The following PPFIBP2 variants were observed in gnomAD, a reference collection of about 807,000 sequenced individuals.
PPFIBP2 encodes PPFIB scaffold protein 2.
Under a neutral mutation model 118.3 loss-of-function variants are expected in PPFIBP2, and 118 were observed. The observed-to-expected ratio is 1.00, with a 90% CI of 0.86 to 1.16. The LOEUF (loss-of-function observed/expected upper bound fraction) is 1.16, where lower values mean the gene tolerates loss of function less well. Ranked by LOEUF, PPFIBP2 falls within the 50% of genes most tolerant of loss-of-function variation. The probability of loss-of-function intolerance (pLI) is 0.00; values close to 1 mark genes in which losing one functional copy is unlikely to be tolerated. For missense variants in PPFIBP2, 1,195 were observed against 1,073.1 expected, an observed-to-expected ratio of 1.11 and a Z score of -1.59; for synonymous variants, 414 against 397.4, an observed-to-expected ratio of 1.04 and a Z score of -0.50.
At chr11:7,561,627 T>C (rs1454101640) in intron 2 of PPFIBP2, among the ~76,000 whole-genome samples, 1 of 152,208 alleles carries the variant, frequency 6.6e-6, no homozygotes, top group East Asian at 1.9e-4. Flanking sequence ...TCTGTGAGGG[T>C]AATTCTAGCC....
At chr11:7,646,116 A>G (rs748496344) in intron 17 of PPFIBP2, among the ~76,000 whole-genome samples, 4 of 152,260 alleles carry the variant, frequency 2.6e-5, no homozygotes, top group African/African-American at 7.2e-5. Context: ...TGTTGTTCAT[A>G]TAAGATGAAT....
intron 4 of PPFIBP2, 177 bp from the exon 5 acceptor site, chr11:7,597,383 T>C (rs1250004147): frequency 6.5e-7 from 1 of 1,536,946 alleles, no homozygotes; most frequent in East Asian, 2.4e-5. Context: ...GGTAAGAATC[T>C]AACTGCAGCT....
chr11:7,535,446 C>T (rs1851117670), intron 1 of PPFIBP2, among the ~76,000 whole-genome samples: 1 of 152,128 alleles, frequency 6.6e-6, no homozygotes, highest in African/African-American at 2.4e-5. Flanking sequence ...AGGAACATAA[C>T]CTTGGAGTTG....
At chr11:7,636,028 C>T (rs4372441) in intron 14 of PPFIBP2, among the ~76,000 whole-genome samples, 98,985 of 152,006 alleles carry the variant, frequency 0.65, 34,223 homozygotes, top group Non-Finnish European at 0.76. Context: ...TAGGACTGAT[C>T]TTCTCCAGGG....
intron 14 of PPFIBP2, among the ~76,000 whole-genome samples, chr11:7,636,756 A>C (rs1313079904): frequency 2.0e-5 from 3 of 152,232 alleles, no homozygotes; most frequent in Admixed American, 6.5e-5. Flanking sequence ...CTCCAGATTA[A>C]AAGATTAATT....
Position 7,649,130 on chromosome 11 carries a change from G to A in PPFIBP2, c.1910-17G>A, listed in dbSNP as rs1853587990. ...TTCTCATGAATCCTGACACATCTGGGGTTTTTGTATTTGTAGGGTGGCTTG... is the reference window on the plus strand; with the variant it reads ...TTCTCATGAATCCTGACACATCTGGAGTTTTTGTATTTGTAGGGTGGCTTG... On this transcript the variant is annotated splice_polypyrimidine_tract_variant and intron_variant, in intron 19 of 23. Transcript: ENST00000299492. 2 of 1,607,668 alleles carry A rather than the reference G, an allele frequency of 1.2e-6. No homozygotes were observed. The highest frequency in any genetic ancestry group is 1.1e-5 in the South Asian group (1 of 90,338).
At chr11:7,636,590 G>T (rs7110779) in intron 14 of PPFIBP2, among the ~76,000 whole-genome samples, 111,218 of 151,932 alleles carry the variant, frequency 0.73, 44,510 homozygotes, top group Non-Finnish European at 0.89. Context: ...CCACCTCAGC[G>T]TCACAGAGGT....
At chr11:7,655,663 C>T (rs1434832225), downstream of PPFIBP2, among the ~76,000 whole-genome samples, 2 of 152,018 alleles carry the variant, frequency 1.3e-5, no homozygotes, top group Non-Finnish European at 2.9e-5. Context: ...AGAAAGCAGC[C>T]CAGGGGCCTT....
In PPFIBP2 at chr11:7,519,420, G is replaced by A. The variant is rs530348811; in HGVS notation, c.-37+5299G>A. Among the ~76,000 whole-genome samples, 19 of 152,280 alleles carry A rather than the reference G, an allele frequency of 1.2e-4. No homozygotes were observed. The South Asian group carries it at 3.3e-3, about 27-fold the overall frequency. On this transcript the variant is annotated intron_variant, in intron 1 of 23. Coordinates refer to ENST00000299492, the MANE Select transcript of PPFIBP2 (RefSeq NM_003621.5). ...ATAAGGAATTTCTTCCTATTTCTTCGGTCGTTGGCAATACTTGCTTAAATC... is the reference window on the plus strand; with the variant it reads ...ATAAGGAATTTCTTCCTATTTCTTCAGTCGTTGGCAATACTTGCTTAAATC...
At chr11:7,555,884 CTG>C (rs1853559730) in intron 2 of PPFIBP2, among the ~76,000 whole-genome samples, 1 of 152,166 alleles carries the variant, frequency 6.6e-6, no homozygotes, top group African/African-American at 2.4e-5. Context: ...AGCTGCAAAA[CTG>C]TGTGGGCCTC....
Position 7,649,129 on chromosome 11 carries a change from G to C in PPFIBP2, c.1910-18G>C. 2 of 1,606,310 alleles carry C rather than the reference G, an allele frequency of 1.2e-6. No homozygotes were observed. The highest frequency in any genetic ancestry group is 1.7e-6 in the Non-Finnish European group (2 of 1,174,084). On this transcript the variant is annotated intron_variant, in intron 19 of 23. Transcript: ENST00000299492. ...ATTCTCATGAATCCTGACACATCTG[G>C]GGTTTTTGTATTTGTAGGGTGGCTT...
chr11:7,651,966 A>T (rs1854095063), intron 23 of PPFIBP2, 122 bp downstream of exon 23: 1 of 972,280 alleles, frequency 1.0e-6, no homozygotes, highest in African/African-American at 1.7e-5. Flanking sequence ...AGGATCTTTC[A>T]GCTTCTGCTG....
chr11:7,570,399 C>T (rs1855531311), intron 3 of PPFIBP2, among the ~76,000 whole-genome samples: 3 of 152,200 alleles, frequency 2.0e-5, no homozygotes, highest in African/African-American at 7.2e-5. Flanking sequence ...ATGTTATGTA[C>T]ACCCTTCATC....
intron 1 of PPFIBP2, among the ~76,000 whole-genome samples, chr11:7,516,805 T>C (rs552985683): frequency 2.0e-5 from 3 of 152,290 alleles, no homozygotes; most frequent in African/African-American, 2.4e-5. Flanking sequence ...GTCTTGCTGA[T>C]GCACACTGCT....
At chr11:7,593,065 C>G (rs2135245714) in intron 3 of PPFIBP2, 67 bp from the exon 4 acceptor site, 1 of 1,586,412 alleles carries the variant, frequency 6.3e-7, no homozygotes, top group Non-Finnish European at 8.6e-7. Flanking sequence ...TCCCTTATTT[C>G]ATTTAGAAGT....
intron 1 of PPFIBP2, among the ~76,000 whole-genome samples, chr11:7,543,755 T>C (rs1852018381): frequency 6.6e-6 from 1 of 152,234 alleles, no homozygotes; most frequent in African/African-American, 2.4e-5. Context: ...CAAATTTTCT[T>C]TTGCCAAACA....
intron 17 of PPFIBP2, chr11:7,648,152 A>T: frequency 2.1e-6 from 1 of 469,800 alleles, no homozygotes; most frequent in Non-Finnish European, 3.8e-6. Flanking sequence ...TTCTCTAAGT[A>T]GCCTGAGATT....
In PPFIBP2 at chr11:7,625,806, G is replaced by A. The variant is rs1451025216; in HGVS notation, c.741G>A (p.Val247=). The change falls in exon 8 of 24, where the codon GTG becomes GTA. Residue 247 remains valine (V), a synonymous_variant. Transcript: ENST00000299492. The part of the protein sequence containing the change: ...KAEVAQLQEQ[V]ALKDAEIERL... Reference sequence around the variant, plus strand: ...AAGTCGCCCAGCTGCAAGAACAGGTGGCCCTGAAAGATGCAGAAATTGAGC... The same window carrying A: ...AAGTCGCCCAGCTGCAAGAACAGGTAGCCCTGAAAGATGCAGAAATTGAGC... 3.1e-6 allele frequency: 5 copies of A among 1,614,106 alleles called. No individual in the cohort carries two copies. Among genetic ancestry groups the A allele is most frequent in the Non-Finnish European group, 1.7e-6 (2 of 1,180,040 alleles).
intron 3 of PPFIBP2, among the ~76,000 whole-genome samples, chr11:7,579,057 T>C (rs1486630807): frequency 1.3e-5 from 2 of 152,018 alleles, no homozygotes; most frequent in Non-Finnish European, 2.9e-5. Context: ...GGGGGTCTAG[T>C]TTGTATTTTA....
Sources: gnomAD v4.1 joint callset for allele counts (sites outside exome capture counted in the v4.1 genomes callset) on GRCh38, gnomAD v4.1.1 for gene constraint, MANE v1.5 for transcripts, NCBI Gene and HGNC (gene_info 2026-07-23, HGNC 2026-07-21) for gene names.